Variants in UCN3 observed in about 807,000 individuals in gnomAD.
UCN3 encodes urocortin 3.
UCN3 carries 3 observed loss-of-function variants against 3.6 expected under a neutral mutation model. The ratio of observed to expected loss-of-function variants is 0.83; its 90% CI spans 0.38 to 2.15. UCN3 has a LOEUF of 2.15. Ranked by LOEUF, UCN3 falls within the 30% of genes most tolerant of loss-of-function variation. The pLI, the probability that UCN3 is intolerant of heterozygous loss-of-function variation, is 0.06. For synonymous variants in UCN3, 100 were observed against 93.2 expected (o/e 1.07, Z -0.42); for missense variants, 206 against 208.3 (o/e 0.99, Z 0.07).
chr10:5,370,626 CGTGT>C (rs1294714912), intron 1 of UCN3, among the ~76,000 whole-genome samples: 1 of 22,760 alleles, frequency 4.4e-5, no homozygotes, highest in African/African-American at 1.8e-4. Flanking sequence ...CGTGTATATG[CGTGT>C]GTATGTGTGT....
At chr10:5,371,449 G>T (rs1184014267) in intron 1 of UCN3, among the ~76,000 whole-genome samples, 1 of 152,084 alleles carries the variant, frequency 6.6e-6, no homozygotes, top group Non-Finnish European at 1.5e-5. Flanking sequence ...CTGTGTGTGT[G>T]TCTGTTTCCA....
In UCN3 at chr10:5,373,871, G is replaced by A. The variant is rs1367980412; in HGVS notation, c.151G>A (p.Ala51Thr). The A allele has an allele frequency of 1.9e-6, 3 of 1,613,982 alleles. No individual in the cohort carries two copies. Among genetic ancestry groups the A allele is most frequent in the African/African-American group, 1.3e-5 (1 of 74,920 alleles). The part of the protein sequence containing the change: ...SEAEKGQWED[A>T]SLLSKRSFHY... The stretch of plus-strand genomic sequence containing the variant: ...GGCTGAGAAGGGCCAGTGGGAGGAT[G>A]CATCCCTGCTGAGCAAGAGGAGCTT... Residue 51 changes from alanine (A) to threonine (T), a missense_variant, in exon 2 of 2, where the codon GCA (alanine) becomes ACA (threonine). Coordinates refer to ENST00000380433, the MANE Select transcript of UCN3 (RefSeq NM_053049.4).
intron 1 of UCN3, among the ~76,000 whole-genome samples, chr10:5,369,078 AAAGC>A (rs1588398556): frequency 1.3e-5 from 2 of 152,306 alleles, no homozygotes; most frequent in East Asian, 3.9e-4. Context: ...ACATGAGTCC[AAAGC>A]ACCTGAAAGT....
At position 5,371,471 on chromosome 10, in the gene UCN3, G is replaced by A. The variant is rs953457383; in HGVS notation, c.-6-2244G>A. On this transcript the variant is annotated intron_variant, in intron 1 of 1. Transcript: ENST00000380433. ...TGTGTCTGTTTCCAGGGTAAGTGAAGCAGCGGGGACTTACAGGATCCTCCT... is the reference window on the plus strand; with the variant it reads ...TGTGTCTGTTTCCAGGGTAAGTGAAACAGCGGGGACTTACAGGATCCTCCT... 3.3e-5 allele frequency among the ~76,000 whole-genome samples: 5 copies of A among 152,104 alleles called. No individual in the cohort carries two copies. The East Asian group carries it at 7.7e-4, about 23-fold the overall frequency.
chr10:5,370,438 CGTGTGTATGTGTGTGTGTATAT>C (rs1564442979), intron 1 of UCN3, among the ~76,000 whole-genome samples: 2 of 15,116 alleles, frequency 1.3e-4, no homozygotes, highest in African/African-American at 2.6e-4. Context: ...TGTGTATATG[CGTGTGTATGTGTGTGTGTATAT>C]GTGTGTATAT....
chr10:5,373,906 G>GC lies in UCN3; in HGVS notation c.187dup (p.Arg63ProfsTer?). The GC allele has an allele frequency of 6.2e-7, 1 of 1,613,894 alleles. No individual in the cohort carries two copies. The highest frequency in any genetic ancestry group is 8.5e-7 in the Non-Finnish European group (1 of 1,179,868). On this transcript the variant is annotated frameshift_variant, in exon 2 of 2. Coordinates refer to ENST00000380433, the MANE Select transcript of UCN3 (RefSeq NM_053049.4). LOFTEE classifies it low-confidence loss of function (END_TRUNC). ...TGAGCAAGAGGAGCTTCCACTACCT[G>GC]CGCAGCAGAGACGCCTCTTCGGGAG...
In UCN3 at chr10:5,370,221, A is replaced by G. The variant is rs200602612; in HGVS notation, c.-6-3494A>G. Among the ~76,000 whole-genome samples, 123 of 13,952 alleles carry G rather than the reference A, an allele frequency of 8.8e-3. 19 individuals are homozygous for G. The highest frequency in any genetic ancestry group is 0.012 in the Non-Finnish European group (94 of 7,788). The allele number at this position is 13,952 out of a possible 152,430, so 9.2% of individuals were successfully genotyped here. ...TGTATATGCGTGTGTATGTGTGTGT[A>G]TGTGCGTGTGTGTATGCGTGTGTGT... On this transcript the variant is annotated intron_variant, in intron 1 of 1. Coordinates refer to ENST00000380433, the MANE Select transcript of UCN3 (RefSeq NM_053049.4).
rs368226774 is a variant in UCN3 at position 5,373,812 on chromosome 10, C to T, written c.92C>T (p.Pro31Leu). ...GLPHKFYKAKPIFSCLNTALS... is the reference protein window; with the variant it reads ...GLPHKFYKAKLIFSCLNTALS... ...CCCCACAAGTTCTACAAAGCCAAGCCCATCTTCAGCTGCCTCAACACCGCC... is the reference window on the plus strand; with the variant it reads ...CCCCACAAGTTCTACAAAGCCAAGCTCATCTTCAGCTGCCTCAACACCGCC... Residue 31 changes from proline (P) to leucine (L), a missense_variant, in exon 2 of 2, where the codon CCC becomes CTC. Coordinates refer to ENST00000380433, the MANE Select transcript of UCN3 (RefSeq NM_053049.4). 3 of 1,613,868 alleles carry T rather than the reference C, an allele frequency of 1.9e-6. No individual in the cohort carries two copies. The highest frequency in any genetic ancestry group is 2.5e-6 in the Non-Finnish European group (3 of 1,179,960).
Position 5,373,787 on chromosome 10 carries a change from C to A in UCN3, c.67C>A (p.Pro23Thr), listed in dbSNP as rs374580209. 21 of 1,613,854 alleles carry A rather than the reference C, an allele frequency of 1.3e-5. No homozygotes were observed. Among genetic ancestry groups the A allele is most frequent in the Non-Finnish European group, 1.8e-5 (21 of 1,179,950 alleles). Residue 23 changes from proline (P) to threonine (T), a missense_variant, in exon 2 of 2, where the codon CCC (proline) becomes ACC (threonine). Coordinates refer to ENST00000380433, the MANE Select transcript of UCN3 (RefSeq NM_053049.4). ...CCTGGGGGGCCCCAGGACAGGCCTC[C>A]CCCACAAGTTCTACAAAGCCAAGCC... The part of the protein sequence containing the change: ...LLLGGPRTGL[P>T]HKFYKAKPIF...
intron 1 of UCN3, among the ~76,000 whole-genome samples, chr10:5,370,226 C>T (rs62651864): frequency 0.22 from 863 of 3,934 alleles, 143 homozygotes; most frequent in Admixed American, 0.28. Flanking sequence ...TGTGTATGTG[C>T]GTGTGTGTAT....
rs1355743338 is a variant in UCN3 at position 5,370,880 on chromosome 10, TATGC to T, written c.-6-2834_-6-2831del. 1.6e-4 allele frequency among the ~76,000 whole-genome samples: 17 copies of T among 108,240 alleles called. 1 individual carries two copies. The highest frequency in any genetic ancestry group is 4.6e-4 in the African/African-American group (12 of 26,004). 71.0% of individuals were successfully genotyped at this position (108,240 alleles called of 152,430 possible). A position where few individuals can be genotyped will look rare whatever the true frequency, so the allele number is the denominator to read the frequency against. On this transcript the variant is annotated intron_variant, in intron 1 of 1. Transcript: ENST00000380433. ...GTGTGTGCGTGTGTATGTGTGTGTA[TATGC>T]GTGTGTATATGCGTGTGTATATGCG... is the stretch of plus-strand genomic sequence containing the variant.
chr10:5,370,041 A>G (rs1465956868), intron 1 of UCN3, among the ~76,000 whole-genome samples: 20 of 73,322 alleles, frequency 2.7e-4, no homozygotes, highest in Middle Eastern at 8.6e-3. Context: ...ATGCGTGTGT[A>G]TATGCGTGTG....
rs782080600 is a variant in UCN3 at position 5,367,101 on chromosome 10, C to A, written c.-7+1871C>A. Among the ~76,000 whole-genome samples the A allele has an allele frequency of 2.6e-4, 40 of 152,250 alleles. No individual in the cohort carries two copies. Among genetic ancestry groups the A allele is most frequent in the Non-Finnish European group, 5.0e-4 (34 of 68,008 alleles). ...TATAGAGGTAAAAGGGATCTCACTCCCTCTCCCCAATGCCTTGCTTTTGTA... is the reference window on the plus strand; with the variant it reads ...TATAGAGGTAAAAGGGATCTCACTCACTCTCCCCAATGCCTTGCTTTTGTA... On this transcript the variant is annotated intron_variant, in intron 1 of 1. Coordinates refer to ENST00000380433, the MANE Select transcript of UCN3 (RefSeq NM_053049.4). This position sits in a 1 kb window ranked among gnomAD's most constrained non-coding sequence, Gnocchi z 4.3.
rs1834125540 is a variant in UCN3 at position 5,367,141 on chromosome 10, G to A, written c.-7+1911G>A. ...TTGCTTTTGTAACTGAGATGAGACA[G>A]GTAGCACTTCCAGGGAACACATCCA... On this transcript the variant is annotated intron_variant, in intron 1 of 1. Coordinates refer to ENST00000380433, the MANE Select transcript of UCN3 (RefSeq NM_053049.4). This position sits in a 1 kb window ranked among gnomAD's most constrained non-coding sequence, Gnocchi z 4.3. Among the ~76,000 whole-genome samples, 1 of 152,160 alleles carries A rather than the reference G, an allele frequency of 6.6e-6. No homozygotes were observed. The highest frequency in any genetic ancestry group is 2.4e-5 in the African/African-American group (1 of 41,436).
rs143428753 is a variant in UCN3, at chr10:5,373,732, G to A, written c.12G>A (p.Pro4=). ...TGCTGCAGGGAGAGATGCTGATGCC[G>A]GTCCACTTCCTGCTGCTCCTGCTGC... MLM[P]VHFLLLLLLL... Residue 4 remains proline (P), a synonymous_variant, in exon 2 of 2, where the codon CCG becomes CCA. Transcript: ENST00000380433. The A allele has an allele frequency of 2.5e-5, 40 of 1,613,390 alleles. No individual in the cohort carries two copies. Among genetic ancestry groups the A allele is most frequent in the Middle Eastern group, 3.3e-4 (2 of 6,062 alleles).
chr10:5,369,862 G>C (rs199939992), intron 1 of UCN3, among the ~76,000 whole-genome samples: 6,795 of 92,468 alleles, frequency 0.073, 1,258 homozygotes, highest in South Asian at 0.17. Flanking sequence ...TATCCACGTG[G>C]GTGTGTGTGT....
chr10:5,373,990 C>T lies in UCN3; in HGVS notation c.270C>T (p.Ala90=), dbSNP rs1433243786. Residue 90 remains alanine, a synonymous_variant, in exon 2 of 2, where the codon GCC becomes GCT. Transcript: ENST00000380433. ...CCATCTCTGGGGCCAGGGGTGGAGCCAGAGGCACCCGGTACAGATACGTGT... is the reference window on the plus strand; with the variant it reads ...CCATCTCTGGGGCCAGGGGTGGAGCTAGAGGCACCCGGTACAGATACGTGT... The part of the protein sequence containing the change: ...TFPISGARGG[A]RGTRYRYVSQ... 3 of 1,610,492 alleles carry T rather than the reference C, an allele frequency of 1.9e-6. No individual in the cohort carries two copies. The highest frequency in any genetic ancestry group is 1.7e-4 in the Middle Eastern group (1 of 6,060).
rs970327774 is a variant in UCN3 at position 5,366,994 on chromosome 10, G to T, written c.-7+1764G>T. On this transcript the variant is annotated intron_variant, in intron 1 of 1. Transcript: ENST00000380433. The surrounding 1 kb of genome is among the most constrained non-coding windows in gnomAD (Gnocchi z 4.2). ...AGTATTCTTCTCTGATGGTAGACTTGGGATTTGAAAAATAAGAAGGTAATG... is the reference window on the plus strand; with the variant it reads ...AGTATTCTTCTCTGATGGTAGACTTTGGATTTGAAAAATAAGAAGGTAATG... Among the ~76,000 whole-genome samples the T allele has an allele frequency of 1.3e-5, 2 of 152,146 alleles. No individual in the cohort carries two copies. The highest frequency in any genetic ancestry group is 2.9e-5 in the Non-Finnish European group (2 of 68,022).
At chr10:5,370,822 T>TGC in intron 1 of UCN3, among the ~76,000 whole-genome samples, 1 of 104,078 alleles carries the variant, frequency 9.6e-6, no homozygotes, top group Admixed American at 1.1e-4. Flanking sequence ...TGCGTGTGTG[T>TGC]GCGCGCGTGT....
Sources: gnomAD v4.1 joint callset for allele counts (sites outside exome capture counted in the v4.1 genomes callset) on GRCh38, gnomAD v4.1.1 for gene constraint, Gnocchi (gnomAD v3.1) non-coding constraint, MANE v1.5 for transcripts, NCBI Gene and HGNC (gene_info 2026-07-23, HGNC 2026-07-21) for gene names.